Variants in PRKAG2 observed in about 807,000 individuals in gnomAD.
The protein encoded by PRKAG2 is protein kinase AMP-activated non-catalytic subunit gamma 2, also known as 5'-AMP-activated protein kinase subunit gamma-2.
A neutral mutation model predicts 69.6 loss-of-function variants in PRKAG2; 26 were observed. That is an observed-to-expected ratio of 0.37 (90% CI 0.27 to 0.52). The LOEUF (loss-of-function observed/expected upper bound fraction) is 0.52. Ranked by LOEUF, PRKAG2 falls within the 20% of genes least tolerant of loss-of-function variation. The pLI is 0.90. For missense variants in PRKAG2, 557 were observed against 740.0 expected (o/e 0.75, Z 2.87); for synonymous variants, 293 against 285.0 (o/e 1.03, Z -0.28).
Position 151,836,206 on chromosome 7 carries a change from T to TC in PRKAG2, c.114+40300dup, listed in dbSNP as rs1219965401. Among the ~76,000 whole-genome samples, 3 of 152,220 alleles carry TC rather than the reference T, an allele frequency of 2.0e-5. No individual in the cohort carries two copies. The highest frequency in any genetic ancestry group is 7.2e-5 in the African/African-American group (3 of 41,468). On this transcript the variant is annotated intron_variant, in intron 1 of 15. Coordinates refer to ENST00000287878, the MANE Select transcript of PRKAG2 (RefSeq NM_016203.4). The surrounding 1 kb of genome is among the most constrained non-coding windows in gnomAD (Gnocchi z 4.1). Reference sequence around the variant, plus strand: ...TGATTTCTCTTTTATGTTTTGTCTGTCATCTCTTCCCCAGGAGACTGAGAG... The same window carrying TC: ...TGATTTCTCTTTTATGTTTTGTCTGTCCATCTCTTCCCCAGGAGACTGAGAG...
chr7:151,832,237 G>A lies in PRKAG2; in HGVS notation c.114+44270C>T, dbSNP rs938202984. On this transcript the variant is annotated intron_variant, in intron 1 of 15. Transcript: ENST00000287878. ...AGAGGAGGGGAGGAGGGAAGGAGAGGAGGAGGGAAGGAAGGGAGGAGGGAA... is the reference window on the plus strand; with the variant it reads ...AGAGGAGGGGAGGAGGGAAGGAGAGAAGGAGGGAAGGAAGGGAGGAGGGAA... 2.0e-3 allele frequency among the ~76,000 whole-genome samples: 45 copies of A among 22,766 alleles called. 1 individual carries two copies. The highest frequency in any genetic ancestry group is 7.7e-3 in the South Asian group (3 of 388). 14.9% of individuals were successfully genotyped at this position (22,766 alleles called of 152,430 possible).
chr7:151,584,865 C>A (rs937651357), intron 6 of PRKAG2, among the ~76,000 whole-genome samples: 1 of 152,116 alleles, frequency 6.6e-6, no homozygotes, highest in Non-Finnish European at 1.5e-5. Flanking sequence ...CTACCATACT[C>A]CAGCCTGGGT....
chr7:151,632,291 G>T lies in PRKAG2; in HGVS notation c.685-153C>A. The T allele has an allele frequency of 1.1e-6, 1 of 948,900 alleles. No homozygotes were observed. The highest frequency in any genetic ancestry group is 1.3e-6 in the Non-Finnish European group (1 of 796,844). 58.8% of individuals were successfully genotyped at this position (948,900 alleles called of 1,614,324 possible). ...GACGCGGGCAGCGGGGGCCGGGGGC[G>T]GAGCGGGAGCGCTGCCCCCACCCGC... On this transcript the variant is annotated intron_variant, in intron 4 of 15. Transcript: ENST00000287878. This position sits in a 1 kb window ranked among gnomAD's most constrained non-coding sequence, Gnocchi z 4.2.
chr7:151,697,719 G>T (rs753578718), intron 3 of PRKAG2, among the ~76,000 whole-genome samples: 3 of 152,098 alleles, frequency 2.0e-5, no homozygotes, highest in Admixed American at 1.3e-4. Flanking sequence ...GTGCAGGGAG[G>T]GGGTGTGGAC....
intron 4 of PRKAG2, among the ~76,000 whole-genome samples, chr7:151,672,586 A>G (rs1326164067): frequency 1.3e-5 from 2 of 149,808 alleles, no homozygotes; most frequent in Non-Finnish European, 1.5e-5. Context: ...TTCCGTCTCT[A>G]TTTGGATGAC....
chr7:151,865,912 C>T (rs947755762), intron 1 of PRKAG2, among the ~76,000 whole-genome samples: 16 of 150,938 alleles, frequency 1.1e-4, no homozygotes, highest in African/African-American at 3.2e-4. Flanking sequence ...CCCAGCTACT[C>T]GGGAGGCTGA....
chr7:151,654,688 G>C (rs900233703), intron 4 of PRKAG2, among the ~76,000 whole-genome samples: 56 of 152,154 alleles, frequency 3.7e-4, no homozygotes, highest in African/African-American at 1.3e-3. Flanking sequence ...AGTAGCTCAG[G>C]ATATGCTGGG....
intron 6 of PRKAG2, among the ~76,000 whole-genome samples, chr7:151,590,290 C>T (rs1278476976): frequency 6.6e-6 from 1 of 152,218 alleles, no homozygotes; most frequent in East Asian, 1.9e-4. Flanking sequence ...ACCCAACAAG[C>T]CTCTATGGCA....
rs2078150068 is a variant in PRKAG2 at position 151,807,107 on chromosome 7, G to C, written c.115-20566C>G. ...GGGCAGAGGCTGTAAAGGGTCAGAGGGACCTTGTGGAGTGGTGGAAATGTT... is the reference window on the plus strand; with the variant it reads ...GGGCAGAGGCTGTAAAGGGTCAGAGCGACCTTGTGGAGTGGTGGAAATGTT... On this transcript the variant is annotated intron_variant, in intron 1 of 15. Coordinates refer to ENST00000287878, the MANE Select transcript of PRKAG2 (RefSeq NM_016203.4). The surrounding 1 kb of genome is among the most constrained non-coding windows in gnomAD (Gnocchi z 4.4). 2.6e-6 allele frequency: 1 copy of C among 390,454 alleles called. No homozygotes were observed. The highest frequency in any genetic ancestry group is 1.9e-5 in the South Asian group (1 of 51,340). 24.2% of individuals were successfully genotyped at this position (390,454 alleles called of 1,614,324 possible).
chr7:151,743,981 G>A (rs968812359), intron 3 of PRKAG2, among the ~76,000 whole-genome samples: 1 of 152,236 alleles, frequency 6.6e-6, no homozygotes, highest in Non-Finnish European at 1.5e-5. Flanking sequence ...TCCACAGCCA[G>A]ACTGTGCACT....
chr7:151,653,268 C>T (rs772179137), intron 4 of PRKAG2, among the ~76,000 whole-genome samples: 1 of 151,978 alleles, frequency 6.6e-6, no homozygotes, highest in Non-Finnish European at 1.5e-5. Flanking sequence ...AAAAAAAATA[C>T]GTTAGCTTTT....
chr7:151,874,627 G>A (rs184856742), intron 1 of PRKAG2, among the ~76,000 whole-genome samples: 43 of 152,280 alleles, frequency 2.8e-4, no homozygotes, highest in African/African-American at 8.4e-4. Context: ...GCTCACGCCT[G>A]TAATCCCAGC....
intron 3 of PRKAG2, among the ~76,000 whole-genome samples, chr7:151,762,395 C>T (rs928486112): frequency 6.6e-6 from 1 of 152,242 alleles, no homozygotes; most frequent in Non-Finnish European, 1.5e-5. Context: ...ACATATACGA[C>T]GTATACGTAA....
At chr7:151,736,308 C>T (rs907284576) in intron 3 of PRKAG2, 22 of 1,190,978 alleles carry the variant, frequency 1.8e-5, no homozygotes, top group Middle Eastern at 3.5e-4. Flanking sequence ...AAGAAGCTGC[C>T]GGAAGCGCAA....
intron 3 of PRKAG2, among the ~76,000 whole-genome samples, chr7:151,760,475 C>G (rs1276934054): frequency 6.6e-6 from 1 of 152,134 alleles, no homozygotes; most frequent in Non-Finnish European, 1.5e-5. Context: ...CTCAGGTGAT[C>G]CGCCCACCTC....
At chr7:151,792,268 C>G (rs2077301081) in intron 1 of PRKAG2, among the ~76,000 whole-genome samples, 2 of 152,316 alleles carry the variant, frequency 1.3e-5, no homozygotes, top group Non-Finnish European at 2.9e-5. Flanking sequence ...TCAAGTTCTT[C>G]TTAACTAAAA....
intron 3 of PRKAG2, among the ~76,000 whole-genome samples, chr7:151,740,251 GCTTTC>G: frequency 6.6e-6 from 1 of 152,340 alleles, no homozygotes; most frequent in East Asian, 1.9e-4. Context: ...AGGAGTTGAG[GCTTTC>G]ATAGCTCCCT....
chr7:151,704,828 G>C (rs75743302), intron 3 of PRKAG2, among the ~76,000 whole-genome samples: 1,743 of 152,302 alleles, frequency 0.011, 37 homozygotes, highest in African/African-American at 0.039. Context: ...ATTGCCAAGG[G>C]AGGCACAGGG....
intron 5 of PRKAG2, among the ~76,000 whole-genome samples, chr7:151,595,957 CCCAGGAGTTCGAGA>C (rs1362481922): frequency 2.0e-5 from 3 of 151,942 alleles, no homozygotes; most frequent in African/African-American, 7.3e-5. Context: ...GTCACTTGAG[CCCAGGAGTTCGAGA>C]CCAGCCTGGG....
Sources: gnomAD v4.1 joint callset for allele counts (sites outside exome capture counted in the v4.1 genomes callset) on GRCh38, gnomAD v4.1.1 for gene constraint, Gnocchi (gnomAD v3.1) non-coding constraint, MANE v1.5 for transcripts, NCBI Gene and HGNC (gene_info 2026-07-23, HGNC 2026-07-21) for gene names.